ST8SIA6: variants seen among roughly 807,000 people sequenced by gnomAD.
The protein encoded by ST8SIA6 is ST8 alpha-N-acetyl-neuraminide alpha-2,8-sialyltransferase 6.
A neutral mutation model predicts 33.6 loss-of-function variants in ST8SIA6; 39 were observed. The ratio of observed to expected loss-of-function variants is 1.16; its 90% confidence interval spans 0.90 to 1.52. The LOEUF (loss-of-function observed/expected upper bound fraction) is 1.52. Ranked by LOEUF, ST8SIA6 falls within the 40% of genes most tolerant of loss-of-function variation. ST8SIA6 has a pLI of 0.00. For synonymous variants in ST8SIA6, 172 were observed against 167.2 expected (o/e 1.03, Z -0.22); for missense variants, 441 against 443.8 (o/e 0.99, Z 0.06).
At chr10:17,441,756 A>C (rs1852502653) in intron 2 of ST8SIA6, among the ~76,000 whole-genome samples, 1 of 152,220 alleles carries the variant, frequency 6.6e-6, no homozygotes, top group African/African-American at 2.4e-5. Context: ...GAATCTGTCA[A>C]ACTCAATAAA....
At position 17,320,909 on chromosome 10, in the gene ST8SIA6, T is replaced by C; in HGVS notation, c.1166A>G (p.Lys389Arg). 1 of 1,614,060 alleles carries C rather than the reference T, an allele frequency of 6.2e-7. No individual in the cohort carries two copies. The highest frequency in any genetic ancestry group is 8.5e-7 in the Non-Finnish European group (1 of 1,179,928). The change falls in exon 8 of 8, where the codon AAA becomes AGA. Residue 389 changes from lysine to arginine, a missense_variant. Lys to Arg is a conservative substitution (Grantham distance 26, BLOSUM62 2). Transcript: ENST00000377602. ...ILQLHMKGIL[K>R]LQFSKCEVA ...GACTTCACATTTGCTAAATTGCAGTTTGAGGATTCCTTTCATGTGAAGTTG... is the reference window on the plus strand; with the variant it reads ...GACTTCACATTTGCTAAATTGCAGTCTGAGGATTCCTTTCATGTGAAGTTG...
In ST8SIA6 at chr10:17,454,200, AG is replaced by A; in HGVS notation, c.55del (p.Leu19CysfsTer33). On this transcript the variant is annotated frameshift_variant, in exon 1 of 8. Transcript: ENST00000377602. LOFTEE classifies it high-confidence loss of function. The surrounding 1 kb of genome is among the most constrained non-coding windows in gnomAD (Gnocchi z 4.1). ...TGCCGGGCACCAGAGCAGGCGCAGC[AG>A]CAGCAGCAGCAGCAGGCTGGCGAGC... ...ALLASLLLLL[L>X]LRLLWCPADA... The A allele has an allele frequency of 3.6e-6, 1 of 276,576 alleles. No individual in the cohort carries two copies. The highest frequency in any genetic ancestry group is 1.3e-4 in the South Asian group (1 of 7,850). 17.1% of individuals were successfully genotyped at this position (276,576 alleles called of 1,614,324 possible). A position where few individuals can be genotyped will look rare whatever the true frequency, so the allele number is the denominator to read the frequency against.
chr10:17,408,213 G>A (rs949999150), intron 2 of ST8SIA6: 1 of 152,588 alleles, frequency 6.6e-6, no homozygotes, highest in Admixed American at 6.5e-5. Flanking sequence ...AAGAAACCCT[G>A]TCGCTTCTGA....
rs1847810537 is a variant in ST8SIA6 at position 17,317,413 on chromosome 10, A to C, written c.*3465T>G. Among the ~76,000 whole-genome samples, 1 of 152,160 alleles carries C rather than the reference A, an allele frequency of 6.6e-6. No individual in the cohort carries two copies. Among genetic ancestry groups the C allele is most frequent in the African/African-American group, 2.4e-5 (1 of 41,450 alleles). On this transcript the variant is annotated 3_prime_UTR_variant, in exon 8 of 8. Coordinates refer to ENST00000377602, the MANE Select transcript of ST8SIA6 (RefSeq NM_001004470.3). Reference sequence around the variant, plus strand: ...GCCACATGTAAATAGGAAATCTTCAACACTCCTAGCAGCCTCAAGTGGATT... The same window carrying C: ...GCCACATGTAAATAGGAAATCTTCACCACTCCTAGCAGCCTCAAGTGGATT...
At chr10:17,369,144 G>A (rs1849654104) in intron 3 of ST8SIA6, among the ~76,000 whole-genome samples, 1 of 152,094 alleles carries the variant, frequency 6.6e-6, no homozygotes, top group South Asian at 2.1e-4. Context: ...CTGTTAAGTG[G>A]TTGTTATATT....
intron 3 of ST8SIA6, among the ~76,000 whole-genome samples, chr10:17,364,159 C>T (rs1849484811): frequency 6.6e-6 from 1 of 152,180 alleles, no homozygotes; most frequent in Non-Finnish European, 1.5e-5. Context: ...TAGTCTGGAA[C>T]ATTAAAATTG....
At position 17,454,274 on chromosome 10, in the gene ST8SIA6, C is replaced by A; in HGVS notation, c.-19G>T. On this transcript the variant is annotated 5_prime_UTR_variant, in exon 1 of 8. Coordinates refer to ENST00000377602, the MANE Select transcript of ST8SIA6 (RefSeq NM_001004470.3). This position sits in a 1 kb window ranked among gnomAD's most constrained non-coding sequence, Gnocchi z 4.1. ...GCCGCATCCTGAGCCACAGGCGCCGCCGCCACCGCTGCTGCCGGGGCGAAG... is the reference window on the plus strand; with the variant it reads ...GCCGCATCCTGAGCCACAGGCGCCGACGCCACCGCTGCTGCCGGGGCGAAG... 4.7e-6 allele frequency: 1 copy of A among 211,110 alleles called. No individual in the cohort carries two copies. Among genetic ancestry groups the A allele is most frequent in the Non-Finnish European group, 9.2e-6 (1 of 108,326 alleles). The allele number at this position is 211,110 out of a possible 1,614,324, so 13.1% of individuals were successfully genotyped here. A position where few individuals can be genotyped will look rare whatever the true frequency, so the allele number is the denominator to read the frequency against.
chr10:17,321,391 C>A (rs1847945066), intron 7 of ST8SIA6, 45 bp from the exon 8 acceptor site: 1 of 1,467,696 alleles, frequency 6.8e-7, no homozygotes, highest in South Asian at 1.3e-5. Flanking sequence ...GAATAATAAT[C>A]AAAGTAGCAG....
chr10:17,396,923 C>T (rs958040061), intron 2 of ST8SIA6, among the ~76,000 whole-genome samples: 2 of 152,194 alleles, frequency 1.3e-5, no homozygotes, highest in African/African-American at 4.8e-5. Flanking sequence ...TGACAACTCA[C>T]TTAGTACCTG....
intron 2 of ST8SIA6, among the ~76,000 whole-genome samples, chr10:17,406,780 C>T (rs1030670304): frequency 6.0e-5 from 9 of 149,942 alleles, no homozygotes; most frequent in Non-Finnish European, 8.9e-5. Flanking sequence ...TTTCTGAAAC[C>T]GAGGGCTAAT....
intron 4 of ST8SIA6, among the ~76,000 whole-genome samples, chr10:17,350,078 G>A (rs1848980854): frequency 2.6e-5 from 4 of 152,168 alleles, no homozygotes; most frequent in Admixed American, 2.6e-4. Context: ...GGGATAACTG[G>A]TTCTAAACTG....
chr10:17,341,938 AAAAG>A (rs372045343), intron 4 of ST8SIA6, among the ~76,000 whole-genome samples: 5 of 151,718 alleles, frequency 3.3e-5, no homozygotes, highest in African/African-American at 1.2e-4. Flanking sequence ...GAAAGAAAGA[AAAAG>A]AAAGAAGCTG....
rs545530895 is a variant in ST8SIA6, at chr10:17,398,362, C to T, written c.201-7742G>A. ...AAAAAAAATTAAGACTCTGATAGTGCGAAGAATGTCTCTTGAAGGAAACAA... is the reference window on the plus strand; with the variant it reads ...AAAAAAAATTAAGACTCTGATAGTGTGAAGAATGTCTCTTGAAGGAAACAA... On this transcript the variant is annotated intron_variant, in intron 2 of 7. Transcript: ENST00000377602. 4.6e-5 allele frequency among the ~76,000 whole-genome samples: 7 copies of T among 151,936 alleles called. No homozygotes were observed. In the South Asian group the frequency reaches 6.2e-4, roughly 14 times the overall value.
intron 2 of ST8SIA6, among the ~76,000 whole-genome samples, chr10:17,426,767 A>C (rs973526397): frequency 6.6e-6 from 1 of 152,190 alleles, no homozygotes; most frequent in African/African-American, 2.4e-5. Flanking sequence ...AAATTCATGG[A>C]TCTACTGGCA....
intron 4 of ST8SIA6, among the ~76,000 whole-genome samples, chr10:17,342,677 A>G (rs1448925586): frequency 4.6e-5 from 7 of 152,194 alleles, no homozygotes; most frequent in Admixed American, 1.3e-4. Context: ...CAGCCTGGGC[A>G]CAGTGGCTCA....
intron 3 of ST8SIA6, among the ~76,000 whole-genome samples, chr10:17,374,071 CCACA>C (rs58234998): frequency 0.039 from 5,414 of 139,056 alleles, 123 homozygotes; most frequent in East Asian, 0.055. Context: ...TCAACAACCA[CCACA>C]CACACACACA....
chr10:17,421,017 C>G (rs747677575), intron 2 of ST8SIA6, among the ~76,000 whole-genome samples: 1 of 152,150 alleles, frequency 6.6e-6, no homozygotes, highest in Non-Finnish European at 1.5e-5. Context: ...ATCGCGAGAA[C>G]AGCAAGGGGG....
At chr10:17,364,208 T>TGTGC (rs1471365954) in intron 3 of ST8SIA6, among the ~76,000 whole-genome samples, 3 of 152,232 alleles carry the variant, frequency 2.0e-5, no homozygotes, top group Admixed American at 6.5e-5. Flanking sequence ...CATTGTAGAA[T>TGTGC]ATGGATAGTC....
At chr10:17,426,669 G>A (rs1439928594) in intron 2 of ST8SIA6, among the ~76,000 whole-genome samples, 1 of 152,214 alleles carries the variant, frequency 6.6e-6, no homozygotes, top group Non-Finnish European at 1.5e-5. Context: ...TAAGACCTGA[G>A]GGGCTACGGG....
Sources: allele counts gnomAD v4.1 joint callset (sites outside exome capture counted in the v4.1 genomes callset), GRCh38; gene constraint gnomAD v4.1.1; non-coding constraint Gnocchi (gnomAD v3.1); transcripts MANE v1.5; gene names NCBI Gene and HGNC (gene_info 2026-07-23, HGNC 2026-07-21).